NUP93: variants seen among roughly 807,000 people sequenced by gnomAD.
The protein encoded by NUP93 is nucleoporin 93.
NUP93 carries 55 observed loss-of-function variants against 107.8 expected under a neutral mutation model. The ratio of observed to expected loss-of-function variants is 0.51; its 90% CI spans 0.41 to 0.64. The LOEUF (loss-of-function observed/expected upper bound fraction) is 0.64, where lower values mean the gene tolerates loss of function less well. NUP93 is among the 30% of genes least tolerant of loss of function. The pLI, the probability that NUP93 is intolerant of heterozygous loss-of-function variation, is 0.00. For missense variants in NUP93, 937 were observed against 1,044.7 expected, an observed-to-expected ratio of 0.90 and a Z score of 1.42; for synonymous variants, 390 against 397.5, an observed-to-expected ratio of 0.98 and a Z score of 0.22.
intron 4 of NUP93, among the ~76,000 whole-genome samples, chr16:56,799,724 GA>G (rs1962980240): frequency 1.3e-5 from 2 of 152,190 alleles, no homozygotes; most frequent in South Asian, 4.1e-4. Context: ...ATAATAAAGT[GA>G]AAAAAATGCT....
chr16:56,749,504 C>T (rs554966849), intron 2 of NUP93, among the ~76,000 whole-genome samples: 6 of 152,226 alleles, frequency 3.9e-5, no homozygotes, highest in Middle Eastern at 3.4e-3. Context: ...TTGATGGGTC[C>T]GGAAAGACAC....
At chr16:56,782,252 A>G (rs1191267811) in intron 3 of NUP93, 3 of 972,012 alleles carry the variant, frequency 3.1e-6, no homozygotes, top group South Asian at 4.8e-5. Context: ...ATTAAGACAA[A>G]TGCACCCTGG....
intron 2 of NUP93, among the ~76,000 whole-genome samples, chr16:56,752,198 G>GA (rs1961933934): frequency 1.3e-5 from 2 of 152,120 alleles, no homozygotes; most frequent in Non-Finnish European, 2.9e-5. Flanking sequence ...TTTAGACATA[G>GA]CTAGCAAAAT....
intron 3 of NUP93, among the ~76,000 whole-genome samples, chr16:56,780,205 T>C (rs1306623121): frequency 6.6e-6 from 1 of 152,198 alleles, no homozygotes; most frequent in Non-Finnish European, 1.5e-5. Flanking sequence ...AAAAGCTTGA[T>C]TGTTGAATGT....
chr16:56,759,558 A>G (rs1962086947), intron 3 of NUP93, among the ~76,000 whole-genome samples: 1 of 152,122 alleles, frequency 6.6e-6, no homozygotes, highest in African/African-American at 2.4e-5. Flanking sequence ...TATTTTTCCT[A>G]TTGCTGCTAT....
chr16:56,749,675 C>G (rs922617729), intron 2 of NUP93, among the ~76,000 whole-genome samples: 1 of 152,158 alleles, frequency 6.6e-6, no homozygotes, highest in Admixed American at 6.5e-5. Context: ...GGGCTACATT[C>G]TTGTTCTTGA....
chr16:56,827,644 A>G (rs1184117614), intron 8 of NUP93, among the ~76,000 whole-genome samples: 1 of 152,220 alleles, frequency 6.6e-6, no homozygotes, highest in African/African-American at 2.4e-5. Flanking sequence ...AAAAAAATTG[A>G]ACCTGAATCA....
At chr16:56,733,478 A>G (rs1229684196) in intron 1 of NUP93, among the ~76,000 whole-genome samples, 1 of 152,114 alleles carries the variant, frequency 6.6e-6, no homozygotes, top group Admixed American at 6.6e-5. Flanking sequence ...CGCTGGGGTG[A>G]CTTGAAGGTG....
At chr16:56,781,488 C>T (rs1215402036) in intron 3 of NUP93, among the ~76,000 whole-genome samples, 1 of 152,116 alleles carries the variant, frequency 6.6e-6, no homozygotes, top group Non-Finnish European at 1.5e-5. Flanking sequence ...TGTATAAAAT[C>T]TTTTAACTAC....
chr16:56,830,925 T>A (rs1273321823), intron 10 of NUP93, among the ~76,000 whole-genome samples: 1 of 152,214 alleles, frequency 6.6e-6, no homozygotes, highest in East Asian at 1.9e-4. Flanking sequence ...ATTTTTCTGT[T>A]CCTACAAGGG....
At chr16:56,805,671 A>G in intron 5 of NUP93, 39 bp downstream of exon 5, 2 of 1,587,804 alleles carry the variant, frequency 1.3e-6, no homozygotes. Flanking sequence ...GTTAATAAAA[A>G]CATGAAGTCA....
In NUP93 at chr16:56,850,116, T is replaced by A. The variant is rs1394727808; in HGVS notation, c.*5507T>A. The A allele has an allele frequency of 1.3e-5, 2 of 152,250 alleles. No homozygotes were observed. Among genetic ancestry groups the A allele is most frequent in the East Asian group, 1.9e-4 (1 of 5,204 alleles). The allele number at this position is 152,250 out of a possible 1,614,324, so 9.4% of individuals were successfully genotyped here. A position where few individuals can be genotyped will look rare whatever the true frequency, so the allele number is the denominator to read the frequency against. On this transcript the variant is annotated 3_prime_UTR_variant, in exon 22 of 22. Transcript: ENST00000308159. Reference sequence around the variant, plus strand: ...TTATTTTCCTTTTTTTCTTTTTTGCTTTTCTCGAGTCACTCTGTGTGGTGC... The same window carrying A: ...TTATTTTCCTTTTTTTCTTTTTTGCATTTCTCGAGTCACTCTGTGTGGTGC...
chr16:56,787,266 C>A (rs1962648150), intron 3 of NUP93, among the ~76,000 whole-genome samples: 1 of 152,228 alleles, frequency 6.6e-6, no homozygotes, highest in African/African-American at 2.4e-5. Flanking sequence ...TGTGACAGAT[C>A]TGTGATGATT....
intron 2 of NUP93, among the ~76,000 whole-genome samples, chr16:56,756,535 G>A (rs906896558): frequency 2.0e-5 from 3 of 152,194 alleles, no homozygotes; most frequent in Non-Finnish European, 4.4e-5. Context: ...TCTTTAACCA[G>A]TCTATCATTG....
chr16:56,766,098 G>C (rs1962211403), intron 3 of NUP93, among the ~76,000 whole-genome samples: 1 of 152,156 alleles, frequency 6.6e-6, no homozygotes, highest in South Asian at 2.1e-4. Flanking sequence ...TGAATGCAAG[G>C]CTTTCAGAAG....
intron 3 of NUP93, among the ~76,000 whole-genome samples, chr16:56,767,466 CT>C (rs1962235340): frequency 6.6e-6 from 1 of 152,180 alleles, no homozygotes; most frequent in Admixed American, 6.5e-5. Context: ...TATGGATTTA[CT>C]TCCTGATTTT....
intron 2 of NUP93, 58 bp from the exon 3 acceptor site, chr16:56,758,474 ATGTCCT>A: frequency 8.4e-7 from 1 of 1,185,386 alleles, no homozygotes; most frequent in Non-Finnish European, 1.3e-6. Context: ...AGCATATTAG[ATGTCCT>A]AATCCTAATC....
At chr16:56,765,592 A>G (rs2144493268) in intron 3 of NUP93, among the ~76,000 whole-genome samples, 1 of 152,346 alleles carries the variant, frequency 6.6e-6, no homozygotes, top group East Asian at 1.9e-4. Flanking sequence ...TAGAAAAGAC[A>G]TTACATCTTA....
chr16:56,840,756 G>A (rs182959635), intron 20 of NUP93, among the ~76,000 whole-genome samples: 1 of 152,272 alleles, frequency 6.6e-6, no homozygotes, highest in Non-Finnish European at 1.5e-5. Context: ...AACATTTTGG[G>A]AGGCTGAGGC....
Sources: allele counts gnomAD v4.1 joint callset (sites outside exome capture counted in the v4.1 genomes callset), GRCh38; gene constraint gnomAD v4.1.1; transcripts MANE v1.5; gene names NCBI Gene and HGNC (gene_info 2026-07-23, HGNC 2026-07-21).